Variants in KCNQ1 observed in about 807,000 individuals in gnomAD.
KCNQ1 encodes the protein potassium voltage-gated channel subfamily Q member 1, also known as potassium voltage-gated channel subfamily KQT member 1.
KCNQ1 carries 49 observed loss-of-function variants against 72.4 expected under a neutral mutation model. That is an observed-to-expected ratio of 0.68 (90% confidence interval 0.54 to 0.86). The LOEUF is 0.86. KCNQ1 is among the 40% of genes least tolerant of loss of function. The pLI is 0.00. For synonymous variants in KCNQ1, 450 were observed against 412.6 expected (o/e 1.09, Z -1.10); for missense variants, 790 against 945.1 (o/e 0.84, Z 2.15).
chr11:2,698,235 A>G lies in KCNQ1; in HGVS notation c.1514+36154A>G, dbSNP rs1004600801. The G allele has an allele frequency of 5.0e-6, 2 of 398,680 alleles. No individual in the cohort carries two copies. The highest frequency in any genetic ancestry group is 8.8e-6 in the Non-Finnish European group (2 of 226,074). 24.7% of individuals were successfully genotyped at this position (398,680 alleles called of 1,614,324 possible). On this transcript the variant is annotated intron_variant, in intron 11 of 15. Transcript: ENST00000155840. The surrounding 1 kb of genome is among the most constrained non-coding windows in gnomAD (Gnocchi z 5.1). ...TAAATGCACATCAAATGTGGATATT[A>G]TCAGGAAAGTTTTTATACTTTGTGA...
rs200275211 is a variant in KCNQ1, at chr11:2,662,025, C to T, written c.1458C>T (p.Ala486=). The T allele has an allele frequency of 6.1e-5, 99 of 1,614,214 alleles. No homozygotes were observed. The highest frequency in any genetic ancestry group is 2.7e-4 in the East Asian group (12 of 44,876). The change falls in exon 11 of 16, where the codon GCC becomes GCT. Residue 486 remains alanine (A), a synonymous_variant. Transcript: ENST00000155840. ...MPHFMRTNSF[A]EDLDLEGETL... is the part of the protein sequence containing the mutation. ...ATTTCATGAGAACCAACAGCTTCGC[C>T]GAGGACCTGGACCTGGAAGGGGAGA...
chr11:2,634,046 A>G (rs1446489915), intron 10 of KCNQ1: 6 of 398,124 alleles, frequency 1.5e-5, no homozygotes, highest in Non-Finnish European at 1.8e-5. Flanking sequence ...CTGCCTGCTC[A>G]GTATTGTTTG....
chr11:2,562,042 A>C lies in KCNQ1; in HGVS notation c.478-8586A>C, dbSNP rs1378930833. On this transcript the variant is annotated intron_variant, in intron 2 of 15. Transcript: ENST00000155840. This position sits in a 1 kb window ranked among gnomAD's most constrained non-coding sequence, Gnocchi z 7.5. The stretch of plus-strand genomic sequence containing the variant: ...CACTTGGCAGGGGAGGGGCTGTGGC[A>C]GGGCAGGGTCATGTCCCCAGCAGTA... 6.6e-6 allele frequency among the ~76,000 whole-genome samples: 1 copy of C among 152,170 alleles called. No homozygotes were observed. The highest frequency in any genetic ancestry group is 2.4e-5 in the African/African-American group (1 of 41,452).
In KCNQ1 at chr11:2,595,954, T is replaced by C. The variant is rs979028394; in HGVS notation, c.1393+7100T>C. Among the ~76,000 whole-genome samples the C allele has an allele frequency of 1.3e-5, 2 of 152,100 alleles. No individual in the cohort carries two copies. Among genetic ancestry groups the C allele is most frequent in the African/African-American group, 2.4e-5 (1 of 41,414 alleles). On this transcript the variant is annotated intron_variant, in intron 10 of 15. Coordinates refer to ENST00000155840, the MANE Select transcript of KCNQ1 (RefSeq NM_000218.3). The surrounding 1 kb of genome is among the most constrained non-coding windows in gnomAD (Gnocchi z 5.0). ...TCAAAATATCAGCATTAACAGGAAT[T>C]GGGAAAAAGTTGATTCCAACCCTCA...
rs975334561 is a variant in KCNQ1 at position 2,685,140 on chromosome 11, G to T, written c.1514+23059G>T. On this transcript the variant is annotated intron_variant, in intron 11 of 15. Transcript: ENST00000155840. ...GTCTGATGGTCAGAGCTAATCAGGT[G>T]TGGAAGAAGCTGCCTGGAGAGGATC... The T allele has an allele frequency of 7.5e-6, 3 of 398,558 alleles. No homozygotes were observed. In the South Asian group the frequency reaches 3.8e-4, roughly 51 times the overall value. The allele number at this position is 398,558 out of a possible 1,614,324, so 24.7% of individuals were successfully genotyped here. A position where few individuals can be genotyped will look rare whatever the true frequency, so the allele number is the denominator to read the frequency against.
Position 2,699,840 on chromosome 11 carries a change from G to A in KCNQ1, c.1514+37759G>A, listed in dbSNP as rs1048327799. 12 of 396,394 alleles carry A rather than the reference G, an allele frequency of 3.0e-5. No individual in the cohort carries two copies. In the South Asian group the frequency reaches 5.1e-4, roughly 17 times the overall value. 24.6% of individuals were successfully genotyped at this position (396,394 alleles called of 1,614,324 possible). A position where few individuals can be genotyped will look rare whatever the true frequency, so the allele number is the denominator to read the frequency against. Reference sequence around the variant, plus strand: ...GATGACTGACGCACCGAGGAGGACCGCGCTGAGGGGCGCACCGGGAGAATC... The same window carrying A: ...GATGACTGACGCACCGAGGAGGACCACGCTGAGGGGCGCACCGGGAGAATC... On this transcript the variant is annotated intron_variant, in intron 11 of 15. Transcript: ENST00000155840.
rs1846114600 is a variant in KCNQ1, at chr11:2,451,175, G to A, written c.386+5691G>A. Among the ~76,000 whole-genome samples, 2 of 152,274 alleles carry A rather than the reference G, an allele frequency of 1.3e-5. No individual in the cohort carries two copies. The highest frequency in any genetic ancestry group is 6.5e-5 in the Admixed American group (1 of 15,300). ...CCAACCTTTTTAGTACCAGAGACCTGTTTTATGGAAGAAAGATTTTTCCAC... is the reference window on the plus strand; with the variant it reads ...CCAACCTTTTTAGTACCAGAGACCTATTTTATGGAAGAAAGATTTTTCCAC... On this transcript the variant is annotated intron_variant, in intron 1 of 15. Transcript: ENST00000155840. This position sits in a 1 kb window ranked among gnomAD's most constrained non-coding sequence, Gnocchi z 6.4.
rs932367604 is a variant in KCNQ1 at position 2,826,823 on chromosome 11, C to T, written c.1795-20944C>T. ...CACTAACCACTTCCCCATATGCTCA[C>T]AGCCAGAGAGACACACAGGCCAGCA... is the stretch of plus-strand genomic sequence containing the variant. On this transcript the variant is annotated intron_variant, in intron 15 of 15. Coordinates refer to ENST00000155840, the MANE Select transcript of KCNQ1 (RefSeq NM_000218.3). This position sits in a 1 kb window ranked among gnomAD's most constrained non-coding sequence, Gnocchi z 4.2. Among the ~76,000 whole-genome samples, 4 of 152,210 alleles carry T rather than the reference C, an allele frequency of 2.6e-5. No individual in the cohort carries two copies. The highest frequency in any genetic ancestry group is 9.7e-5 in the African/African-American group (4 of 41,450).
chr11:2,823,505 CAAG>C (rs1421153056), intron 15 of KCNQ1, among the ~76,000 whole-genome samples: 3 of 152,172 alleles, frequency 2.0e-5, no homozygotes, highest in African/African-American at 7.2e-5. Flanking sequence ...GCACCAACAA[CAAG>C]GAGGCAGAAG....
intron 11 of KCNQ1, among the ~76,000 whole-genome samples, chr11:2,731,328 T>C (rs1375089294): frequency 6.6e-6 from 1 of 152,178 alleles, no homozygotes; most frequent in South Asian, 2.1e-4. Context: ...AATGCCCAAA[T>C]GCCCTCGTCC....
chr11:2,804,641 C>T (rs11602964), intron 15 of KCNQ1, among the ~76,000 whole-genome samples: 14,569 of 152,268 alleles, frequency 0.096, 1,263 homozygotes, highest in East Asian at 0.39. Context: ...TTTCTAAAGG[C>T]AAAAGCTAAC....
Position 2,537,470 on chromosome 11 carries a change from G to A in KCNQ1, c.477+9452G>A, listed in dbSNP as rs1028356935. Among the ~76,000 whole-genome samples, 1 of 152,088 alleles carries A rather than the reference G, an allele frequency of 6.6e-6. No homozygotes were observed. Among genetic ancestry groups the A allele is most frequent in the Non-Finnish European group, 1.5e-5 (1 of 68,042 alleles). ...AGAAGTGGGAGAGCGTGTGCCCCGGGCCAGCCCACCGTGCCCCACGTTTCT... is the reference window on the plus strand; with the variant it reads ...AGAAGTGGGAGAGCGTGTGCCCCGGACCAGCCCACCGTGCCCCACGTTTCT... On this transcript the variant is annotated intron_variant, in intron 2 of 15. Transcript: ENST00000155840. The surrounding 1 kb of genome is among the most constrained non-coding windows in gnomAD (Gnocchi z 5.2).
In KCNQ1 at chr11:2,812,363, C is replaced by T. The variant is rs534498534; in HGVS notation, c.1794+34326C>T. On this transcript the variant is annotated intron_variant, in intron 15 of 15. Coordinates refer to ENST00000155840, the MANE Select transcript of KCNQ1 (RefSeq NM_000218.3). ...TCTCCTTCCTCCCTGAGACCTGGGACGCCGAGGAGGGTTCCGTTCCCTCCC... is the reference window on the plus strand; with the variant it reads ...TCTCCTTCCTCCCTGAGACCTGGGATGCCGAGGAGGGTTCCGTTCCCTCCC... 3.3e-4 allele frequency among the ~76,000 whole-genome samples: 50 copies of T among 152,210 alleles called. 1 individual carries two copies. The highest frequency in any genetic ancestry group is 2.5e-3 in the Admixed American group (38 of 15,294).
rs997934378 is a variant in KCNQ1, at chr11:2,704,225, T to C, written c.1514+42144T>C. On this transcript the variant is annotated intron_variant, in intron 11 of 15. Coordinates refer to ENST00000155840, the MANE Select transcript of KCNQ1 (RefSeq NM_000218.3). The surrounding 1 kb of genome is among the most constrained non-coding windows in gnomAD (Gnocchi z 4.3). ...AGGTTTCTGCTGACCCTGCAGCCCATGTCCTTGTTCCAGAATCTTCCGCCT... is the reference window on the plus strand; with the variant it reads ...AGGTTTCTGCTGACCCTGCAGCCCACGTCCTTGTTCCAGAATCTTCCGCCT... 9.2e-5 allele frequency among the ~76,000 whole-genome samples: 14 copies of C among 152,236 alleles called. No individual in the cohort carries two copies. The highest frequency in any genetic ancestry group is 1.6e-4 in the Non-Finnish European group (11 of 68,024).
Position 2,550,653 on chromosome 11 carries a change from C to T in KCNQ1, c.478-19975C>T, listed in dbSNP as rs757716549. 3.3e-5 allele frequency among the ~76,000 whole-genome samples: 5 copies of T among 152,180 alleles called. No individual in the cohort carries two copies. The highest frequency in any genetic ancestry group is 4.1e-4 in the South Asian group (2 of 4,820). On this transcript the variant is annotated intron_variant, in intron 2 of 15. Coordinates refer to ENST00000155840, the MANE Select transcript of KCNQ1 (RefSeq NM_000218.3). This position sits in a 1 kb window ranked among gnomAD's most constrained non-coding sequence, Gnocchi z 6.0. ...AGGTGAATGAAGGGTGCTGGGGTGG[C>T]GAGTTGAGGGCCAACAGAGATGGTG...
At chr11:2,696,461 T>C in intron 11 of KCNQ1, 1 of 398,700 alleles carries the variant, frequency 2.5e-6, no homozygotes, top group Non-Finnish European at 4.4e-6. Flanking sequence ...CACACCGCTC[T>C]GATTGCTGAA....
chr11:2,634,907 T>C (rs1849432495), intron 10 of KCNQ1: 1 of 152,224 alleles, frequency 6.6e-6, no homozygotes, highest in African/African-American at 2.4e-5. Context: ...TTGTGGTTTT[T>C]TGATTTGCCT....
intron 15 of KCNQ1, among the ~76,000 whole-genome samples, chr11:2,825,461 C>T (rs1376424837): frequency 6.6e-6 from 1 of 152,130 alleles, no homozygotes; most frequent in East Asian, 1.9e-4. Flanking sequence ...CGCCCCAGCC[C>T]TCTACTGGCC....
In KCNQ1 at chr11:2,603,594, T is replaced by G. The variant is rs527508527; in HGVS notation, c.1393+14740T>G. Among the ~76,000 whole-genome samples the G allele has an allele frequency of 1.3e-4, 20 of 152,268 alleles. No homozygotes were observed. Among genetic ancestry groups the G allele is most frequent in the African/African-American group, 4.6e-4 (19 of 41,564 alleles). On this transcript the variant is annotated intron_variant, in intron 10 of 15. Transcript: ENST00000155840. The surrounding 1 kb of genome is among the most constrained non-coding windows in gnomAD (Gnocchi z 4.1). ...ATCTTTCTCTCTATGGGTTTGCCTA[T>G]TCTGGACATTTTATATAAGTGGAAT... is the stretch of plus-strand genomic sequence containing the variant.
Sources: allele counts gnomAD v4.1 joint callset (sites outside exome capture counted in the v4.1 genomes callset), GRCh38; gene constraint gnomAD v4.1.1; non-coding constraint Gnocchi (gnomAD v3.1); transcripts MANE v1.5; gene names NCBI Gene and HGNC (gene_info 2026-07-23, HGNC 2026-07-21).